PLGRKT: variants seen among roughly 807,000 people sequenced by gnomAD.
PLGRKT encodes the protein plasminogen receptor (KT).
A neutral mutation model predicts 18.5 loss-of-function variants in PLGRKT; 22 were observed. The ratio of observed to expected loss-of-function variants is 1.19; its 90% confidence interval spans 0.85 to 1.70. PLGRKT has a LOEUF of 1.70. Ranked by LOEUF, PLGRKT falls within the 40% of genes most tolerant of loss-of-function variation. The pLI is 0.00. For missense variants in PLGRKT, 235 were observed against 174.4 expected (o/e 1.35, Z -1.96); for synonymous variants, 72 against 52.8 (o/e 1.36, Z -1.58).
At chr9:5,372,643 C>G (rs148750778) in intron 3 of PLGRKT, among the ~76,000 whole-genome samples, 2 of 152,298 alleles carry the variant, frequency 1.3e-5, no homozygotes, top group East Asian at 3.9e-4. Flanking sequence ...GAAATGTCAC[C>G]TCTGCTACTG....
chr9:5,432,330 G>C (rs1379647611), intron 2 of PLGRKT, among the ~76,000 whole-genome samples: 1 of 151,820 alleles, frequency 6.6e-6, no homozygotes, highest in Non-Finnish European at 1.5e-5. Context: ...CTCTTTTTTT[G>C]TGAGGGGAAG....
intron 3 of PLGRKT, among the ~76,000 whole-genome samples, chr9:5,363,358 T>C (rs1266479789): frequency 6.6e-6 from 1 of 151,120 alleles, no homozygotes; most frequent in East Asian, 2.0e-4. Flanking sequence ...CCAGTGGCCT[T>C]CCCCACTCAG....
At chr9:5,397,023 G>C (rs1365396021) in intron 3 of PLGRKT, among the ~76,000 whole-genome samples, 2 of 151,976 alleles carry the variant, frequency 1.3e-5, no homozygotes, top group Non-Finnish European at 2.9e-5. Flanking sequence ...TTGAAAATCA[G>C]AGTTTTAACC....
intron 2 of PLGRKT, among the ~76,000 whole-genome samples, 185 bp from the exon 3 acceptor site, chr9:5,432,168 G>A (rs1457693041): frequency 2.0e-5 from 3 of 152,010 alleles, no homozygotes; most frequent in African/African-American, 7.3e-5. Flanking sequence ...CATACTTAAC[G>A]AGTCTGGCCA....
At chr9:5,386,842 A>T (rs1446855102) in intron 3 of PLGRKT, among the ~76,000 whole-genome samples, 1 of 151,960 alleles carries the variant, frequency 6.6e-6, no homozygotes, top group East Asian at 1.9e-4. Context: ...GTCACACAGG[A>T]ACCCTATGAC....
intron 3 of PLGRKT, among the ~76,000 whole-genome samples, chr9:5,393,457 A>C (rs1817987203): frequency 6.6e-6 from 1 of 151,918 alleles, no homozygotes; most frequent in Non-Finnish European, 1.5e-5. Flanking sequence ...AGTGTAAATA[A>C]TTCTAACAGT....
At chr9:5,397,640 A>G (rs1421065694) in intron 3 of PLGRKT, among the ~76,000 whole-genome samples, 1 of 151,466 alleles carries the variant, frequency 6.6e-6, no homozygotes, top group Non-Finnish European at 1.5e-5. Context: ...GGAGAGAGGG[A>G]AGAAGGAAGC....
At chr9:5,387,714 C>T (rs1817871630) in intron 3 of PLGRKT, among the ~76,000 whole-genome samples, 3 of 151,624 alleles carry the variant, frequency 2.0e-5, no homozygotes, top group Admixed American at 2.0e-4. Context: ...GTGTTAAGTA[C>T]ACAGGAATAA....
intron 2 of PLGRKT, among the ~76,000 whole-genome samples, chr9:5,433,381 TC>T (rs1818874739): frequency 8.9e-6 from 1 of 112,790 alleles, no homozygotes; most frequent in African/African-American, 3.5e-5. Flanking sequence ...TGCCTGACCG[TC>T]CACCGTCTGG....
intron 2 of PLGRKT, among the ~76,000 whole-genome samples, chr9:5,432,802 A>G (rs372141519): frequency 2.0e-5 from 3 of 152,004 alleles, no homozygotes; most frequent in African/African-American, 2.4e-5. Flanking sequence ...TCAGTGCTCA[A>G]TGTTGCCCAG....
At chr9:5,437,378 C>T (rs1252131960) in intron 1 of PLGRKT, among the ~76,000 whole-genome samples, 1 of 152,190 alleles carries the variant, frequency 6.6e-6, no homozygotes, top group Non-Finnish European at 1.5e-5. Context: ...ATATTTGCAT[C>T]CCATTGAAAT....
intron 3 of PLGRKT, among the ~76,000 whole-genome samples, chr9:5,390,322 ATG>A (rs1817925608): frequency 6.6e-6 from 1 of 151,730 alleles, no homozygotes; most frequent in South Asian, 2.1e-4. Context: ...AGACCTAGAC[ATG>A]TGACACTTTT....
chr9:5,430,233 G>C (rs1247950117), intron 3 of PLGRKT, among the ~76,000 whole-genome samples: 1 of 152,058 alleles, frequency 6.6e-6, no homozygotes, highest in East Asian at 1.9e-4. Context: ...CTTGCAAGTA[G>C]GGTAAAATCC....
intron 3 of PLGRKT, among the ~76,000 whole-genome samples, chr9:5,368,659 CA>C (rs1296218746): frequency 4.6e-5 from 7 of 152,162 alleles, no homozygotes; most frequent in Admixed American, 1.3e-4. Flanking sequence ...GTGATGGAAT[CA>C]TTCGTACCCC....
intron 2 of PLGRKT, among the ~76,000 whole-genome samples, chr9:5,436,212 T>A (rs1019506763): frequency 3.9e-5 from 6 of 152,234 alleles, no homozygotes; most frequent in Admixed American, 6.5e-5. Context: ...AGAACCTGCC[T>A]GAGGTTAGGA....
chr9:5,407,746 C>G (rs1818283669), intron 3 of PLGRKT, among the ~76,000 whole-genome samples: 1 of 152,124 alleles, frequency 6.6e-6, no homozygotes, highest in Admixed American at 6.5e-5. Flanking sequence ...AGACTTTACC[C>G]TAAAAACCCT....
intron 3 of PLGRKT, among the ~76,000 whole-genome samples, chr9:5,415,110 G>C (rs1818434023): frequency 6.6e-6 from 1 of 152,122 alleles, no homozygotes; most frequent in Admixed American, 6.5e-5. Flanking sequence ...TTCCAGGCCT[G>C]GAGCAGGAAC....
At chr9:5,379,140 T>C (rs913174476) in intron 3 of PLGRKT, among the ~76,000 whole-genome samples, 1 of 152,148 alleles carries the variant, frequency 6.6e-6, no homozygotes, top group Non-Finnish European at 1.5e-5. Flanking sequence ...TGGTTGAATA[T>C]ATAATCAACA....
intron 3 of PLGRKT, among the ~76,000 whole-genome samples, chr9:5,429,300 A>G (rs1230374920): frequency 6.6e-6 from 1 of 152,218 alleles, no homozygotes; most frequent in East Asian, 1.9e-4. Context: ...GAAAATCACT[A>G]TGAAGCTCCA....
Sources: allele counts gnomAD v4.1 joint callset (sites outside exome capture counted in the v4.1 genomes callset), GRCh38; gene constraint gnomAD v4.1.1; transcripts MANE v1.5; gene names NCBI Gene and HGNC (gene_info 2026-07-23, HGNC 2026-07-21).